Variants in ZMAT4 observed in about 807,000 individuals in gnomAD.
ZMAT4 encodes zinc finger matrin-type 4.
In ZMAT4, 17 loss-of-function variants were observed where a neutral mutation model predicts 28.7. That is an observed-to-expected ratio of 0.59 (90% confidence interval 0.41 to 0.89). The LOEUF (loss-of-function observed/expected upper bound fraction) is 0.89. Ranked by LOEUF, ZMAT4 falls within the 40% of genes least tolerant of loss-of-function variation. The pLI is 0.00. For missense variants in ZMAT4, 240 were observed against 283.8 expected (o/e 0.85, Z 1.11); for synonymous variants, 117 against 109.2 (o/e 1.07, Z -0.44).
intron 2 of ZMAT4, among the ~76,000 whole-genome samples, chr8:40,793,891 TG>T (rs1425090863): frequency 6.6e-6 from 1 of 152,190 alleles, no homozygotes; most frequent in African/African-American, 2.4e-5. Flanking sequence ...CACATATTTG[TG>T]TATTTTCTGC....
chr8:40,627,983 T>G (rs1350106593), intron 5 of ZMAT4, among the ~76,000 whole-genome samples: 1 of 152,174 alleles, frequency 6.6e-6, no homozygotes, highest in African/African-American at 2.4e-5. Flanking sequence ...AGAAAGAGAC[T>G]TCAAACAAGC....
chr8:40,753,509 G>A (rs2150548513), intron 3 of ZMAT4, among the ~76,000 whole-genome samples: 1 of 152,054 alleles, frequency 6.6e-6, no homozygotes, highest in African/African-American at 2.4e-5. Context: ...TTAAATATTT[G>A]TACGATTTTT....
chr8:40,860,335 T>C (rs1460126883), intron 1 of ZMAT4, among the ~76,000 whole-genome samples: 1 of 152,174 alleles, frequency 6.6e-6, no homozygotes, highest in African/African-American at 2.4e-5. Flanking sequence ...CCAGTATTTA[T>C]CAAGGTCATT....
intron 5 of ZMAT4, among the ~76,000 whole-genome samples, chr8:40,656,217 C>T (rs889264844): frequency 1.3e-5 from 2 of 151,918 alleles, no homozygotes; most frequent in Non-Finnish European, 2.9e-5. Flanking sequence ...CATTAGCCAT[C>T]AGGAAAAAAG....
chr8:40,818,739 T>A (rs1390312472), intron 2 of ZMAT4, among the ~76,000 whole-genome samples: 1 of 152,166 alleles, frequency 6.6e-6, no homozygotes, highest in African/African-American at 2.4e-5. Context: ...GTTGGGGCAG[T>A]GCTGGGTGGT....
At position 40,734,197 on chromosome 8, in the gene ZMAT4, TCTTA is replaced by T. The variant is rs374201803; in HGVS notation, c.192+33440_192+33443del. On this transcript the variant is annotated intron_variant, in intron 3 of 6. Transcript: ENST00000297737. ...CGTTTGGCATTTTAGATGGGACTAG[TCTTA>T]CTTACGAAATATTGCTCTCCAAATT... 1.8e-3 allele frequency among the ~76,000 whole-genome samples: 277 copies of T among 152,282 alleles called. 2 individuals are homozygous for T. The highest frequency in any genetic ancestry group is 6.1e-3 in the African/African-American group (252 of 41,548).
intron 6 of ZMAT4, among the ~76,000 whole-genome samples, chr8:40,562,560 TG>T (rs1803782246): frequency 6.6e-6 from 1 of 152,124 alleles, no homozygotes. Flanking sequence ...TCCATCCTCC[TG>T]GGTGCTGTCA....
intron 2 of ZMAT4, among the ~76,000 whole-genome samples, chr8:40,775,264 C>T (rs1409577147): frequency 6.6e-6 from 1 of 152,118 alleles, no homozygotes; most frequent in Non-Finnish European, 1.5e-5. Flanking sequence ...TTACAGATCC[C>T]GTTGCGTTCC....
chr8:40,862,117 ACACGTATGTTTATTGCGG>A (rs201027802), intron 1 of ZMAT4, among the ~76,000 whole-genome samples: 35,001 of 151,976 alleles, frequency 0.23, 4,838 homozygotes, highest in East Asian at 0.4. Context: ...AGACACACGC[ACACGTATGTTTATTGCGG>A]CACTATACAC....
At chr8:40,755,953 T>C (rs1482243104) in intron 3 of ZMAT4, among the ~76,000 whole-genome samples, 1 of 152,202 alleles carries the variant, frequency 6.6e-6, no homozygotes, top group African/African-American at 2.4e-5. Context: ...ATTGATTTTC[T>C]AATTGCCCTT....
At chr8:40,575,106 A>G (rs1386246582) in intron 6 of ZMAT4, among the ~76,000 whole-genome samples, 1 of 152,150 alleles carries the variant, frequency 6.6e-6, no homozygotes, top group African/African-American at 2.4e-5. Context: ...TGGCTGCTCA[A>G]GGCTGAGGCT....
At chr8:40,540,739 G>C (rs967225361) in intron 6 of ZMAT4, among the ~76,000 whole-genome samples, 1 of 152,204 alleles carries the variant, frequency 6.6e-6, no homozygotes, top group Non-Finnish European at 1.5e-5. Context: ...GTGCCCTTAA[G>C]TTGTGAAGTC....
intron 5 of ZMAT4, among the ~76,000 whole-genome samples, chr8:40,664,137 A>G (rs1418891937): frequency 6.6e-6 from 1 of 152,166 alleles, no homozygotes; most frequent in Non-Finnish European, 1.5e-5. Context: ...GATATGAAGA[A>G]GTTCTAACAA....
At chr8:40,649,845 A>C (rs1170157292) in intron 5 of ZMAT4, among the ~76,000 whole-genome samples, 2 of 152,106 alleles carry the variant, frequency 1.3e-5, no homozygotes, top group Admixed American at 6.6e-5. Flanking sequence ...TAATGAAATG[A>C]AGGCAGAAAT....
At chr8:40,882,537 C>T (rs1818316613) in intron 1 of ZMAT4, among the ~76,000 whole-genome samples, 1 of 152,178 alleles carries the variant, frequency 6.6e-6, no homozygotes, top group Admixed American at 6.5e-5. Context: ...GCACAGGTTA[C>T]CCATGACCTG....
chr8:40,572,429 C>T (rs1264809921), intron 6 of ZMAT4, among the ~76,000 whole-genome samples: 3 of 152,108 alleles, frequency 2.0e-5, no homozygotes, highest in African/African-American at 7.2e-5. Context: ...TTTGGTCAGT[C>T]TAATTTATTA....
At chr8:40,684,563 AG>A (rs1434107529) in intron 4 of ZMAT4, among the ~76,000 whole-genome samples, 1 of 152,210 alleles carries the variant, frequency 6.6e-6, no homozygotes, top group East Asian at 1.9e-4. Context: ...AGTCTTCCCC[AG>A]ACACCTAATC....
chr8:40,798,778 G>A (rs1814698478), intron 2 of ZMAT4, among the ~76,000 whole-genome samples: 1 of 152,196 alleles, frequency 6.6e-6, no homozygotes, highest in Non-Finnish European at 1.5e-5. Context: ...CTTCGACCTA[G>A]ATCGACACAG....
At chr8:40,586,155 A>G (rs1320557161) in intron 5 of ZMAT4, among the ~76,000 whole-genome samples, 1 of 152,210 alleles carries the variant, frequency 6.6e-6, no homozygotes, top group Non-Finnish European at 1.5e-5. Context: ...CACGCATGAC[A>G]CAGTGTCCTT....
Sources: allele counts gnomAD v4.1 joint callset (sites outside exome capture counted in the v4.1 genomes callset), GRCh38; gene constraint gnomAD v4.1.1; transcripts MANE v1.5; gene names NCBI Gene and HGNC (gene_info 2026-07-23, HGNC 2026-07-21).